The following SLC39A11 variants were observed in gnomAD, a reference collection of about 807,000 sequenced individuals.
The protein encoded by SLC39A11 is zinc transporter ZIP11.
SLC39A11 carries 33 observed loss-of-function variants against 36.1 expected under a neutral mutation model. The ratio of observed to expected loss-of-function variants is 0.91; its 90% CI spans 0.69 to 1.22. The LOEUF (loss-of-function observed/expected upper bound fraction) is 1.22. Ranked by LOEUF, SLC39A11 falls within the 50% of genes most tolerant of loss-of-function variation. SLC39A11 has a pLI of 0.00. For missense variants in SLC39A11, 432 were observed against 430.3 expected (o/e 1.00, Z -0.03); for synonymous variants, 166 against 170.3 (o/e 0.97, Z 0.20).
chr17:72,925,856 G>A (rs1011883332), intron 5 of SLC39A11, among the ~76,000 whole-genome samples: 1 of 152,244 alleles, frequency 6.6e-6, no homozygotes, highest in Non-Finnish European at 1.5e-5. Flanking sequence ...AGAAAACAAT[G>A]TGACAGAGAT....
intron 4 of SLC39A11, 30 bp downstream of exon 4, chr17:73,031,526 T>C (rs781452893): frequency 1.2e-6 from 2 of 1,612,848 alleles, no homozygotes; most frequent in Non-Finnish European, 1.7e-6. Context: ...TGTATCCCGA[T>C]ACGACAGCTA....
At position 72,985,706 on chromosome 17, in the gene SLC39A11, T is replaced by A. The variant is rs2088693763; in HGVS notation, c.307-37831A>T. 2.0e-5 allele frequency among the ~76,000 whole-genome samples: 3 copies of A among 152,156 alleles called. No individual in the cohort carries two copies. The South Asian group carries it at 6.2e-4, about 32-fold the overall frequency. On this transcript the variant is annotated intron_variant, in intron 4 of 9. Transcript: ENST00000255559. ...GGGATTACAGGCATGAGCCACCGCA[T>A]CTGGCCAGGCCTAACTTTTTATTAC... is the stretch of plus-strand genomic sequence containing the variant.
intron 6 of SLC39A11, among the ~76,000 whole-genome samples, chr17:72,805,738 TTC>T (rs1193556422): frequency 2.0e-5 from 3 of 150,476 alleles, no homozygotes; most frequent in African/African-American, 5.0e-5. Context: ...TAATTTTTTT[TTC>T]TTTTTCTTTT....
chr17:72,762,137 G>A (rs2144561714), intron 6 of SLC39A11, among the ~76,000 whole-genome samples: 1 of 152,340 alleles, frequency 6.6e-6, no homozygotes, highest in Middle Eastern at 3.4e-3. Context: ...TGCGTAAAAT[G>A]AGGATGAGAC....
chr17:72,841,585 G>C (rs997171523), intron 6 of SLC39A11, among the ~76,000 whole-genome samples: 1 of 152,084 alleles, frequency 6.6e-6, no homozygotes, highest in Non-Finnish European at 1.5e-5. Flanking sequence ...AAGTAGTGAT[G>C]GTTAATAGGT....
At chr17:72,988,564 C>CT (rs1357414019) in intron 4 of SLC39A11, among the ~76,000 whole-genome samples, 1,517 of 149,126 alleles carry the variant, frequency 0.01, 19 homozygotes, top group African/African-American at 0.016. Context: ...TCTTATTCCA[C>CT]TTTTTTTTTT....
chr17:72,966,290 T>C (rs2086967683), intron 4 of SLC39A11, among the ~76,000 whole-genome samples: 1 of 152,122 alleles, frequency 6.6e-6, no homozygotes, highest in South Asian at 2.1e-4. Flanking sequence ...ACTGAGAAAA[T>C]TGTGACCTCC....
At chr17:72,961,105 C>G (rs775110276) in intron 4 of SLC39A11, among the ~76,000 whole-genome samples, 40 of 152,206 alleles carry the variant, frequency 2.6e-4, no homozygotes, top group Admixed American at 1.2e-3. Context: ...ACAGAGTGGA[C>G]TGATGGCTCA....
chr17:72,937,816 T>C (rs2084867285), intron 5 of SLC39A11, among the ~76,000 whole-genome samples: 1 of 152,208 alleles, frequency 6.6e-6, no homozygotes, highest in Non-Finnish European at 1.5e-5. Context: ...TAGGTGAGCC[T>C]GGTCTCCTGG....
chr17:72,759,068 T>A (rs533350988), intron 6 of SLC39A11, among the ~76,000 whole-genome samples: 105 of 151,294 alleles, frequency 6.9e-4, no homozygotes, highest in African/African-American at 2.4e-3. Context: ...GCCATTGCAC[T>A]CCAGCCTGGG....
intron 6 of SLC39A11, among the ~76,000 whole-genome samples, chr17:72,780,902 G>A (rs1475776394): frequency 6.6e-6 from 1 of 152,184 alleles, no homozygotes; most frequent in African/African-American, 2.4e-5. Flanking sequence ...CAGGAGAATT[G>A]CTTGAACCCA....
At chr17:72,835,026 G>A (rs957166789) in intron 6 of SLC39A11, among the ~76,000 whole-genome samples, 3 of 152,214 alleles carry the variant, frequency 2.0e-5, no homozygotes, top group African/African-American at 7.2e-5. Flanking sequence ...CCAGAGTTGT[G>A]ATTTTGCCCT....
In SLC39A11 at chr17:72,947,804, A is replaced by AT; in HGVS notation, c.377dup (p.Asp126GlufsTer3). 6.2e-7 allele frequency: 1 copy of AT among 1,614,186 alleles called. No homozygotes were observed. Among genetic ancestry groups the AT allele is most frequent in the South Asian group, 1.1e-5 (1 of 91,088 alleles). ...GGAAGAGCAGCGCGGGACCCTCAGG[A>AT]TCAGACTTCTTCTTCATCAACGTAG... is the stretch of plus-strand genomic sequence containing the variant. On this transcript the variant is annotated frameshift_variant, in exon 5 of 10. Transcript: ENST00000255559. LOFTEE classifies it high-confidence loss of function.
chr17:72,903,354 C>T (rs2146971961), intron 5 of SLC39A11, among the ~76,000 whole-genome samples: 1 of 151,950 alleles, frequency 6.6e-6, no homozygotes, highest in East Asian at 1.9e-4. Flanking sequence ...TTGGATGGAT[C>T]TTCAACAACA....
intron 4 of SLC39A11, among the ~76,000 whole-genome samples, chr17:72,982,372 A>G (rs1369673949): frequency 6.6e-6 from 1 of 152,176 alleles, no homozygotes; most frequent in Non-Finnish European, 1.5e-5. Flanking sequence ...GCTACTTTCT[A>G]TCTGATGTGG....
intron 5 of SLC39A11, among the ~76,000 whole-genome samples, chr17:72,944,789 C>T (rs1051775365): frequency 2.6e-5 from 4 of 152,090 alleles, no homozygotes. Flanking sequence ...TGGCCAATAA[C>T]AAGAATGGGA....
At position 72,882,092 on chromosome 17, in the gene SLC39A11, C is replaced by T. The variant is rs8071355; in HGVS notation, c.431-32288G>A. Among the ~76,000 whole-genome samples the T allele has an allele frequency of 8.3e-3, 1,271 of 152,270 alleles. 27 individuals carry two copies. Among genetic ancestry groups the T allele is most frequent in the African/African-American group, 0.029 (1,206 of 41,548 alleles). The stretch of plus-strand genomic sequence containing the variant: ...GGCCGGGCCGGTGTGGTGGCTCATA[C>T]CTGTAATCCCAGCACTTTGGAAGGC... On this transcript the variant is annotated intron_variant, in intron 5 of 9. Transcript: ENST00000255559.
At chr17:72,801,756 G>T (rs1007579099) in intron 6 of SLC39A11, among the ~76,000 whole-genome samples, 1 of 152,058 alleles carries the variant, frequency 6.6e-6, no homozygotes, top group African/African-American at 2.4e-5. Context: ...GGTGATAAAA[G>T]TTCTATAATT....
intron 5 of SLC39A11, among the ~76,000 whole-genome samples, chr17:72,901,150 G>A (rs1010995667): frequency 2.0e-5 from 3 of 152,220 alleles, no homozygotes; most frequent in African/African-American, 7.2e-5. Flanking sequence ...TTATGAAAAC[G>A]AATGCCAAAA....
Sources: gnomAD v4.1 joint callset for allele counts (sites outside exome capture counted in the v4.1 genomes callset) on GRCh38, gnomAD v4.1.1 for gene constraint, MANE v1.5 for transcripts, NCBI Gene and HGNC (gene_info 2026-07-23, HGNC 2026-07-21) for gene names.